PVRIG: variants seen among roughly 807,000 people sequenced by gnomAD.
PVRIG encodes transmembrane protein PVRIG.
Under a neutral mutation model 21.9 loss-of-function variants are expected in PVRIG, and 16 were observed. That is an observed-to-expected ratio of 0.73 (90% confidence interval 0.50 to 1.11). The LOEUF (loss-of-function observed/expected upper bound fraction) is 1.11, where lower values mean the gene tolerates loss of function less well. Among genes scored for constraint, PVRIG ranks in the 50% most tolerant of loss-of-function variants. PVRIG has a pLI of 0.00. For synonymous variants in PVRIG, 190 were observed against 181.0 expected (o/e 1.05, Z -0.40); for missense variants, 435 against 445.7 (o/e 0.98, Z 0.22).
chr7:100,221,122 C>T (rs748380798), exon 6 of PVRIG: 4 of 1,613,828 alleles, frequency 2.5e-6, no homozygotes, highest in Non-Finnish European at 3.4e-6. Flanking sequence ...CACGTGGCAG[C>T]TTTGTCTCTG....
rs1803173722 is a variant in PVRIG at position 100,220,679 on chromosome 7, A to G, written c.596+6A>G. ...CTGCGCCGACATAAGCACCGGTGAG[A>G]CCTGGTCCCTGTCCACGTCCCCCTG... is the stretch of plus-strand genomic sequence containing the variant. On this transcript the variant is annotated splice_donor_region_variant and intron_variant, in intron 4 of 5. Transcript: ENST00000317271. The G allele has an allele frequency of 6.2e-7, 1 of 1,610,396 alleles. No individual in the cohort carries two copies. The highest frequency in any genetic ancestry group is 8.5e-7 in the Non-Finnish European group (1 of 1,179,898).
chr7:100,221,181 G>C (rs760405067), exon 6 of PVRIG: 3 of 1,611,482 alleles, frequency 1.9e-6, no homozygotes, highest in South Asian at 1.1e-5. Flanking sequence ...CCTCACACTG[G>C]TCCCGGCCTC....
exon 2 of PVRIG, chr7:100,220,012 C>T (rs1157947406): frequency 1.2e-6 from 2 of 1,604,326 alleles, no homozygotes; most frequent in Non-Finnish European, 1.7e-6. Context: ...TGCTGCTGAC[C>T]TTGTGTGTCA....
Position 100,220,088 on chromosome 7 carries a change from C to T in PVRIG, c.119-26C>T, listed in dbSNP as rs1195355755. The T allele has an allele frequency of 5.0e-6, 8 of 1,602,742 alleles. 1 individual carries two copies. In the Middle Eastern group the frequency reaches 1.1e-3, roughly 217 times the overall value. On this transcript the variant is annotated intron_variant, in intron 2 of 5. Transcript: ENST00000317271. ...AGGGAGGGTGATGTAGGACAACAGC[C>T]CACCGACCTTGCTGCTGTTCCACAG...
At chr7:100,220,646 T>C in exon 4 of PVRIG, 2 of 1,611,478 alleles carry the variant, frequency 1.2e-6, no homozygotes, top group Non-Finnish European at 1.7e-6. Context: ...GTCTACCTCC[T>C]TCATCTGCTG....
exon 3 of PVRIG, chr7:100,220,270 A>G: frequency 6.4e-7 from 1 of 1,565,326 alleles, no homozygotes; most frequent in African/African-American, 1.4e-5. Context: ...GCTGTGTTGC[A>G]CCCAGAACGT....
exon 6 of PVRIG, chr7:100,221,076 A>C (rs771304671): frequency 1.5e-5 from 25 of 1,613,840 alleles, no homozygotes; most frequent in Non-Finnish European, 2.0e-5. Context: ...CACCGGCCCC[A>C]GGGCCCTGCC....
chr7:100,220,636 G>A (rs752559682), exon 4 of PVRIG: 5 of 1,611,664 alleles, frequency 3.1e-6, no homozygotes, highest in Middle Eastern at 2.2e-4. Context: ...CTTTGGCTGT[G>A]TCTACCTCCT....
exon 4 of PVRIG, chr7:100,220,564 A>G: frequency 6.2e-7 from 1 of 1,609,986 alleles, no homozygotes; most frequent in South Asian, 1.1e-5. Flanking sequence ...TGCCCCGCCG[A>G]CTCCTGCCCC....
chr7:100,220,404 G>A lies in PVRIG; in HGVS notation c.409G>A (p.Ala137Thr), dbSNP rs1378097709. The A allele has an allele frequency of 1.9e-6, 3 of 1,595,284 alleles. No individual in the cohort carries two copies. Among genetic ancestry groups the A allele is most frequent in the Non-Finnish European group, 2.6e-6 (3 of 1,170,372 alleles). Residue 137 changes from alanine (A) to threonine (T), a missense_variant, in exon 3 of 6, where the codon GCG (alanine) becomes ACG (threonine). By Grantham distance (58) the Ala-to-Thr change is moderately conservative. Coordinates refer to ENST00000317271, the Ensembl canonical transcript of PVRIG. The stretch of plus-strand genomic sequence containing the variant: ...CAACACCACCTTCTGCTGCAAGTTT[G>A]CGTCCTTCCCTGAGGGCTCCTGGGA...
exon 2 of PVRIG, chr7:100,219,858 G>A: frequency 2.1e-6 from 3 of 1,400,202 alleles, no homozygotes; most frequent in Non-Finnish European, 3.0e-6. Flanking sequence ...GAAGGTGTGA[G>A]AGGAGAGAAG....
exon 6 of PVRIG, chr7:100,221,388 T>G: frequency 1.6e-6 from 1 of 606,970 alleles, no homozygotes; most frequent in Non-Finnish European, 2.8e-6. Flanking sequence ...GGTCTCTGTG[T>G]GTGCGTGTGT....
chr7:100,220,084 C>G (rs746701455), intron 2 of PVRIG, 30 bp from the exon 2 acceptor site: 6 of 1,602,948 alleles, frequency 3.7e-6, no homozygotes, highest in Non-Finnish European at 5.1e-6. Context: ...TGTAGGACAA[C>G]AGCCCACCGA....
At chr7:100,220,963 C>T in exon 6 of PVRIG, 1 of 1,588,974 alleles carries the variant, frequency 6.3e-7, no homozygotes, top group Non-Finnish European at 8.6e-7. Flanking sequence ...CTCTTCACGT[C>T]CCTTATGCCA....
In PVRIG at chr7:100,220,867, A is replaced by AG. The variant is rs770210875; in HGVS notation, c.657+53dup. On this transcript the variant is annotated intron_variant, in intron 5 of 5. Transcript: ENST00000317271. The stretch of plus-strand genomic sequence containing the variant: ...GGGATGAGGTGACAGGGGCAGGGGC[A>AG]GGGGGGCCAGGGCTGGGCCCAAGCT... The AG allele has an allele frequency of 2.5e-6, 4 of 1,600,700 alleles. No homozygotes were observed. The South Asian group carries it at 3.3e-5, about 13-fold the overall frequency.
rs1288778624 is a variant in PVRIG, at chr7:100,221,170, T to G, written c.900T>G (p.Pro300=). 5.6e-6 allele frequency: 9 copies of G among 1,612,250 alleles called. No homozygotes were observed. The East Asian group carries it at 8.9e-5, about 16-fold the overall frequency. The change falls in exon 6 of 6, where the codon CCT becomes CCG. Residue 300 remains proline, a synonymous_variant. Coordinates refer to ENST00000317271, the Ensembl canonical transcript of PVRIG. ...TCTACGCTCAGGCAGGGGAGAGGCC[T>G]CCTCACACTGGTCCCGGCCTCACTC...
At position 100,220,605 on chromosome 7, in the gene PVRIG, G is replaced by C. The variant is rs781641538; in HGVS notation, c.528G>C (p.Leu176Phe). 3 of 1,611,886 alleles carry C rather than the reference G, an allele frequency of 1.9e-6. No individual in the cohort carries two copies. In the Admixed American group the frequency reaches 5.0e-5, roughly 27 times the overall value. The change falls in exon 4 of 6, where the codon TTG (leucine) becomes TTC (phenylalanine). Residue 176 changes from leucine (L) to phenylalanine (F), a missense_variant. By Grantham distance (22) the Leu-to-Phe change is conservative. Coordinates refer to ENST00000317271, the Ensembl canonical transcript of PVRIG. ...TGCGGGCAGACCTGGCCGGGATCTT[G>C]GGGGTCTCAGGAGTCCTCCTCTTTG...
At chr7:100,220,450 C>T in exon 3 of PVRIG, 1 of 1,610,284 alleles carries the variant, frequency 6.2e-7, no homozygotes, top group Non-Finnish European at 8.5e-7. Flanking sequence ...AGCCTCCCGC[C>T]CAGCTCAGAC....
exon 6 of PVRIG, chr7:100,221,085 C>T (rs1803218179): frequency 6.2e-7 from 1 of 1,613,992 alleles, no homozygotes; most frequent in African/African-American, 1.3e-5. Context: ...CAGGGCCCTG[C>T]CGCCTGGGCC....
Sources: gnomAD v4.1 joint callset for allele counts on GRCh38, gnomAD v4.1.1 for gene constraint, MANE v1.5 for transcripts, NCBI Gene and HGNC (gene_info 2026-07-23, HGNC 2026-07-21) for gene names.